OSBPL10: variants seen among roughly 807,000 people sequenced by gnomAD.
OSBPL10 encodes oxysterol binding protein like 10, also known as oxysterol-binding protein-related protein 10.
Under a neutral mutation model 81.7 loss-of-function variants are expected in OSBPL10, and 49 were observed. The observed-to-expected ratio is 0.60, with a 90% CI of 0.48 to 0.76. OSBPL10 has a LOEUF of 0.76. Ranked by LOEUF, OSBPL10 falls within the 30% of genes least tolerant of loss-of-function variation. The pLI is 0.00. For synonymous variants in OSBPL10, 419 were observed against 383.6 expected (o/e 1.09, Z -1.08); for missense variants, 923 against 987.8 (o/e 0.93, Z 0.88).
intron 8 of OSBPL10, among the ~76,000 whole-genome samples, chr3:31,682,886 A>G (rs1311667973): frequency 2.6e-5 from 4 of 152,116 alleles, no homozygotes; most frequent in African/African-American, 9.7e-5. Context: ...CTCTTATCTC[A>G]TGGGGTTTTG....
intron 2 of OSBPL10, among the ~76,000 whole-genome samples, chr3:32,028,556 C>A (rs926556711): frequency 3.3e-5 from 5 of 152,162 alleles, no homozygotes; most frequent in Admixed American, 2.0e-4. Flanking sequence ...CATATACACA[C>A]ACAATATACA....
At chr3:31,954,339 AGG>A (rs760617865) in intron 1 of OSBPL10, among the ~76,000 whole-genome samples, 127 of 152,360 alleles carry the variant, frequency 8.3e-4, no homozygotes, top group Middle Eastern at 3.4e-3. Context: ...TAGGCTGGAA[AGG>A]AAAAAGAAGC....
chr3:31,965,435 T>A (rs35368239), intron 1 of OSBPL10, among the ~76,000 whole-genome samples: 21,432 of 83,962 alleles, frequency 0.26, 5,907 homozygotes, highest in African/African-American at 0.68. Flanking sequence ...AGATAATATA[T>A]AATATATATT....
Position 32,048,637 on chromosome 3 carries a change from G to GT in OSBPL10, n.186-2035dup, listed in dbSNP as rs968956222. ...TAGACACTATTACTATAGACTAGCT[G>GT]TTTTTTTTCTCTATACCCCTTTAAA... On this transcript the variant is annotated intron_variant and non_coding_transcript_variant, in intron 1 of 3. Coordinates refer to the OSBPL10 transcript ENST00000479173. Among the ~76,000 whole-genome samples the GT allele has an allele frequency of 1.4e-4, 22 of 152,050 alleles. 1 individual carries two copies. In the South Asian group the frequency reaches 4.2e-3, roughly 29 times the overall value.
intron 3 of OSBPL10, among the ~76,000 whole-genome samples, chr3:31,851,315 A>G (rs1355912755): frequency 6.6e-6 from 1 of 152,228 alleles, no homozygotes; most frequent in Non-Finnish European, 1.5e-5. Context: ...TCTCAGCCAG[A>G]GACGTGAAGG....
At chr3:31,945,929 A>G (rs1264179159) in intron 1 of OSBPL10, among the ~76,000 whole-genome samples, 1 of 152,036 alleles carries the variant, frequency 6.6e-6, no homozygotes, top group Non-Finnish European at 1.5e-5. Context: ...AATTCAGAGA[A>G]CCTCTTGCCA....
intron 1 of OSBPL10, among the ~76,000 whole-genome samples, chr3:32,054,226 C>A (rs1229369310): frequency 6.6e-6 from 1 of 152,114 alleles, no homozygotes; most frequent in Non-Finnish European, 1.5e-5. Flanking sequence ...TTTCCAAAAT[C>A]ATTTTCTAAA....
intron 7 of OSBPL10, among the ~76,000 whole-genome samples, chr3:31,688,449 C>T (rs1008437435): frequency 3.9e-5 from 6 of 152,084 alleles, no homozygotes; most frequent in African/African-American, 1.4e-4. Context: ...CAACCCCTCT[C>T]TCCTATCCTC....
At chr3:31,692,365 G>A (rs927628783) in intron 7 of OSBPL10, among the ~76,000 whole-genome samples, 4 of 152,082 alleles carry the variant, frequency 2.6e-5, no homozygotes, top group East Asian at 3.9e-4. Context: ...TCCAGGAAAC[G>A]CTCATTCTTT....
chr3:31,762,608 T>G lies in OSBPL10; in HGVS notation c.730-14488A>C, dbSNP rs141683071. On this transcript the variant is annotated intron_variant, in intron 4 of 11. Coordinates refer to ENST00000396556, the MANE Select transcript of OSBPL10 (RefSeq NM_017784.5). ...TCCTGAGTAGTTGGGACTACAGGCC[T>G]ATGCACAACACCATGCCCAGCATTT... 3.0e-3 allele frequency among the ~76,000 whole-genome samples: 409 copies of G among 137,422 alleles called. 2 individuals carry two copies. The highest frequency in any genetic ancestry group is 5.1e-3 in the Non-Finnish European group (333 of 64,948). 90.2% of individuals were successfully genotyped at this position (137,422 alleles called of 152,430 possible). A position where few individuals can be genotyped will look rare whatever the true frequency, so the allele number is the denominator to read the frequency against.
intron 6 of OSBPL10, among the ~76,000 whole-genome samples, chr3:31,710,280 C>CACACA (rs1432284509): frequency 4.0e-5 from 6 of 151,746 alleles, no homozygotes; most frequent in African/African-American, 1.4e-4. Flanking sequence ...CAGTGGCTGG[C>CACACA]ACACAAGAAG....
At chr3:31,846,273 A>C (rs954858745) in intron 3 of OSBPL10, among the ~76,000 whole-genome samples, 1 of 152,160 alleles carries the variant, frequency 6.6e-6, no homozygotes, top group African/African-American at 2.4e-5. Context: ...TGGCCTCCCC[A>C]AAGTGCTGAG....
intron 1 of OSBPL10, among the ~76,000 whole-genome samples, chr3:31,910,619 G>C (rs1310353538): frequency 6.6e-6 from 1 of 151,834 alleles, no homozygotes; most frequent in East Asian, 2.0e-4. Context: ...CTGGGGGACA[G>C]AGTGAGACTC....
At chr3:31,734,718 A>G (rs1253625730) in intron 5 of OSBPL10, among the ~76,000 whole-genome samples, 5 of 152,214 alleles carry the variant, frequency 3.3e-5, no homozygotes, top group Non-Finnish European at 7.3e-5. Flanking sequence ...AGCCTTGGTG[A>G]CAATGCAAGA....
At chr3:32,057,306 G>A (rs72858450) in intron 1 of OSBPL10, among the ~76,000 whole-genome samples, 2,471 of 151,874 alleles carry the variant, frequency 0.016, 61 homozygotes, top group African/African-American at 0.056. Flanking sequence ...TTTGCGTGAG[G>A]TTTAAGAACC....
chr3:31,838,117 A>G lies in OSBPL10; in HGVS notation c.538-7886T>C, dbSNP rs189407195. Among the ~76,000 whole-genome samples the G allele has an allele frequency of 3.9e-5, 6 of 152,320 alleles. No homozygotes were observed. In the East Asian group the frequency reaches 1.2e-3, roughly 29 times the overall value. ...GAAGAACTCATCCAACCAGATACAA[A>G]TATTAACAAAACCACAATGGAAATA... On this transcript the variant is annotated intron_variant, in intron 3 of 11. Coordinates refer to ENST00000396556, the MANE Select transcript of OSBPL10 (RefSeq NM_017784.5).
chr3:31,952,483 A>G (rs1697896403), intron 1 of OSBPL10, among the ~76,000 whole-genome samples: 1 of 152,200 alleles, frequency 6.6e-6, no homozygotes, highest in Non-Finnish European at 1.5e-5. Context: ...ACTGCTGTGC[A>G]TCTTCTTCCT....
chr3:31,724,387 G>A lies in OSBPL10; in HGVS notation c.1095+8870C>T, dbSNP rs115926279. ...AAAGCCACACAGGCCTGGTGGGAGG[G>A]GAGAGAAGGAAGGCAATACTGTGAA... On this transcript the variant is annotated intron_variant, in intron 6 of 11. Coordinates refer to ENST00000396556, the MANE Select transcript of OSBPL10 (RefSeq NM_017784.5). Among the ~76,000 whole-genome samples the A allele has an allele frequency of 2.5e-3, 376 of 152,188 alleles. 3 individuals are homozygous for A. Among genetic ancestry groups the A allele is most frequent in the African/African-American group, 8.6e-3 (357 of 41,524 alleles).
At chr3:31,858,479 G>A (rs1349163591) in intron 3 of OSBPL10, among the ~76,000 whole-genome samples, 1 of 152,112 alleles carries the variant, frequency 6.6e-6, no homozygotes, top group Non-Finnish European at 1.5e-5. Flanking sequence ...TGAAAGCACA[G>A]TACCCCTCAC....
Sources: gnomAD v4.1 joint callset for allele counts (sites outside exome capture counted in the v4.1 genomes callset) on GRCh38, gnomAD v4.1.1 for gene constraint, MANE v1.5 for transcripts, NCBI Gene and HGNC (gene_info 2026-07-23, HGNC 2026-07-21) for gene names.